Variants in HNF4A observed in about 807,000 individuals in gnomAD.
The protein encoded by HNF4A is hepatocyte nuclear factor 4 alpha.
A neutral mutation model predicts 52.4 loss-of-function variants in HNF4A; 15 were observed. The ratio of observed to expected loss-of-function variants is 0.29; its 90% CI spans 0.19 to 0.44. The LOEUF (loss-of-function observed/expected upper bound fraction) is 0.44, where lower values mean the gene tolerates loss of function less well. Among genes scored for constraint, HNF4A ranks in the 20% least tolerant of loss-of-function variants. The pLI is 1.00. For synonymous variants in HNF4A, 280 were observed against 264.4 expected (o/e 1.06, Z -0.57); for missense variants, 479 against 647.2 (o/e 0.74, Z 2.82).
chr20:44,402,490 C>A, intron 1 of HNF4A: 1 of 1,151,248 alleles, frequency 8.7e-7, no homozygotes, highest in South Asian at 1.3e-5. Flanking sequence ...AAATGCAGGA[C>A]TCTGTTGTTG....
At chr20:44,426,727 A>G (rs1294534355) in intron 8 of HNF4A, among the ~76,000 whole-genome samples, 1 of 152,150 alleles carries the variant, frequency 6.6e-6, no homozygotes, top group Non-Finnish European at 1.5e-5. Context: ...CAATCACTTG[A>G]ACCCGGGAGA....
At chr20:44,424,457 GCACGTGCCAGT>G (rs1171808974) in intron 8 of HNF4A, 3 of 1,017,498 alleles carry the variant, frequency 2.9e-6, no homozygotes, top group Non-Finnish European at 4.5e-6. Context: ...CGAGAACCTA[GCACGTGCCAGT>G]CACTGTTCTA....
At chr20:44,411,826 T>C (rs1307909615) in intron 3 of HNF4A, among the ~76,000 whole-genome samples, 1 of 151,802 alleles carries the variant, frequency 6.6e-6, no homozygotes, top group African/African-American at 2.4e-5. Context: ...TTTGTGAGGC[T>C]GAGTGGATCA....
intron 1 of HNF4A, among the ~76,000 whole-genome samples, chr20:44,359,604 T>C (rs1227835069): frequency 1.3e-5 from 2 of 152,128 alleles, no homozygotes; most frequent in Non-Finnish European, 2.9e-5. Flanking sequence ...CTCAGCACTG[T>C]TAACTTTCTG....
At chr20:44,399,383 C>T (rs960948421), upstream of HNF4A, among the ~76,000 whole-genome samples, 1 of 152,120 alleles carries the variant, frequency 6.6e-6, no homozygotes, top group Non-Finnish European at 1.5e-5. Flanking sequence ...GTTCCTAACC[C>T]CAGGTCTCCT....
chr20:44,393,914 A>G (rs1183635603), intron 1 of HNF4A, among the ~76,000 whole-genome samples: 1 of 151,990 alleles, frequency 6.6e-6, no homozygotes, highest in Non-Finnish European at 1.5e-5. Context: ...ACAGGGTCTC[A>G]CTATGTTGCC....
chr20:44,404,676 G>A (rs2063459275), intron 1 of HNF4A, among the ~76,000 whole-genome samples: 1 of 146,130 alleles, frequency 6.8e-6, no homozygotes, highest in Non-Finnish European at 1.5e-5. Flanking sequence ...TGTGTGGACT[G>A]TGTGTATGTG....
chr20:44,381,279 C>CTTTT (rs11477724), intron 1 of HNF4A, among the ~76,000 whole-genome samples: 6 of 110,128 alleles, frequency 5.4e-5, no homozygotes, highest in South Asian at 3.1e-4. Flanking sequence ...TCAGTGAGAG[C>CTTTT]TTTTTTTTTT....
chr20:44,396,934 G>A (rs1488397415), upstream of HNF4A, among the ~76,000 whole-genome samples: 1 of 152,176 alleles, frequency 6.6e-6, no homozygotes, highest in Non-Finnish European at 1.5e-5. Context: ...GGGGAAGAGA[G>A]GCTAAGAAGC....
At chr20:44,404,653 TG>T (rs754261300) in intron 1 of HNF4A, among the ~76,000 whole-genome samples, 4 of 150,654 alleles carry the variant, frequency 2.7e-5, no homozygotes, top group Admixed American at 6.6e-5. Context: ...GCAATGTATG[TG>T]GACTGTGTGC....
intron 1 of HNF4A, among the ~76,000 whole-genome samples, chr20:44,359,829 GGAGTA>G (rs1410035847): frequency 1.3e-5 from 2 of 152,298 alleles, no homozygotes; most frequent in African/African-American, 4.8e-5. Context: ...CTACCACAAT[GGAGTA>G]GAGTAGACTG....
chr20:44,374,041 A>T (rs1211330333), intron 1 of HNF4A, among the ~76,000 whole-genome samples: 2 of 152,168 alleles, frequency 1.3e-5, no homozygotes, highest in East Asian at 3.9e-4. Flanking sequence ...GGTTTGTTAC[A>T]TGGGTATATT....
intron 1 of HNF4A, among the ~76,000 whole-genome samples, chr20:44,376,097 A>C (rs550957473): frequency 6.6e-6 from 1 of 151,778 alleles, no homozygotes; most frequent in South Asian, 2.1e-4. Context: ...ATACAAAAAA[A>C]ATTAGCCGGG....
At chr20:44,364,096 C>T (rs531820265) in intron 1 of HNF4A, among the ~76,000 whole-genome samples, 24 of 152,296 alleles carry the variant, frequency 1.6e-4, no homozygotes, top group African/African-American at 5.8e-4. Flanking sequence ...GCAGGGTTCC[C>T]TTTGAGGGTA....
intron 2 of HNF4A, 84 bp downstream of exon 2, chr20:44,406,316 G>C (rs757978699): frequency 1.6e-5 from 20 of 1,278,010 alleles, no homozygotes; most frequent in Non-Finnish European, 2.1e-5. Flanking sequence ...TGAGTGGGTA[G>C]GTCCCAGAGA....
At chr20:44,398,114 C>G (rs1256598592), upstream of HNF4A, among the ~76,000 whole-genome samples, 1 of 152,116 alleles carries the variant, frequency 6.6e-6, no homozygotes, top group Non-Finnish European at 1.5e-5. Context: ...CATTGCAGAC[C>G]AAAGTGTGCT....
chr20:44,413,642 C>A, intron 3 of HNF4A, 52 bp from the exon 4 acceptor site: 2 of 1,356,304 alleles, frequency 1.5e-6, no homozygotes, highest in Non-Finnish European at 2.1e-6. Context: ...GACACCCCCA[C>A]CCCCTACTCC....
intron 1 of HNF4A, among the ~76,000 whole-genome samples, chr20:44,404,825 AACTGTGG>A (rs2063466162): frequency 4.8e-5 from 3 of 62,104 alleles, no homozygotes; most frequent in Non-Finnish European, 8.3e-5. Context: ...GGTGTGTGTG[AACTGTGG>A]TGTGTGTGTG....
At position 44,385,059 on chromosome 20, in the gene HNF4A, C is replaced by CTTTT. The variant is rs775721024; in HGVS notation, c.50-20974_50-20971dup. On this transcript the variant is annotated intron_variant, in intron 1 of 9. Coordinates refer to the HNF4A transcript ENST00000316673. Reference sequence around the variant, plus strand: ...AGTGGTTTCAGCTGAACTCTGTGATCTTTTTTTTTTTTTTTTTTTTTTTTT... The same window carrying CTTTT: ...AGTGGTTTCAGCTGAACTCTGTGATCTTTTTTTTTTTTTTTTTTTTTTTTTTTTT... Among the ~76,000 whole-genome samples, 211 of 34,968 alleles carry CTTTT rather than the reference C, an allele frequency of 6.0e-3. 41 individuals are homozygous for CTTTT. Among genetic ancestry groups the CTTTT allele is most frequent in the African/African-American group, 0.022 (170 of 7,638 alleles). The allele number at this position is 34,968 out of a possible 152,430, so 22.9% of individuals were successfully genotyped here.
Sources: gnomAD v4.1 joint callset for allele counts (sites outside exome capture counted in the v4.1 genomes callset) on GRCh38, gnomAD v4.1.1 for gene constraint, MANE v1.5 for transcripts, NCBI Gene and HGNC (gene_info 2026-07-23, HGNC 2026-07-21) for gene names.